The following OPCML variants were observed in gnomAD, a reference collection of about 807,000 sequenced individuals.
OPCML encodes opioid-binding protein/cell adhesion molecule.
OPCML carries 13 observed loss-of-function variants against 37.8 expected under a neutral mutation model. The ratio of observed to expected loss-of-function variants is 0.34; its 90% confidence interval spans 0.22 to 0.55. The LOEUF is 0.55. OPCML is among the 20% of genes least tolerant of loss of function. The pLI is 0.91. For missense variants in OPCML, 341 were observed against 435.6 expected (o/e 0.78, Z 1.93); for synonymous variants, 176 against 168.8 (o/e 1.04, Z -0.33).
chr11:133,475,046 C>G (rs561406318), intron 1 of OPCML, among the ~76,000 whole-genome samples: 1 of 152,142 alleles, frequency 6.6e-6, no homozygotes, highest in Non-Finnish European at 1.5e-5. Flanking sequence ...ACCTTTACCC[C>G]CTAGGCCTGA....
chr11:133,524,634 G>A (rs1206963042), intron 1 of OPCML, among the ~76,000 whole-genome samples: 3 of 152,248 alleles, frequency 2.0e-5, no homozygotes, highest in Admixed American at 6.5e-5. Flanking sequence ...TCTCAGGCGT[G>A]TCTGTCGCAG....
At chr11:132,596,174 T>C (rs1032965674) in intron 3 of OPCML, among the ~76,000 whole-genome samples, 1 of 152,138 alleles carries the variant, frequency 6.6e-6, no homozygotes, top group African/African-American at 2.4e-5. Context: ...AAAGCTAAAG[T>C]GCTTATCATA....
At chr11:132,560,026 T>C (rs1459518098) in intron 3 of OPCML, among the ~76,000 whole-genome samples, 1 of 152,248 alleles carries the variant, frequency 6.6e-6, no homozygotes, top group Non-Finnish European at 1.5e-5. Context: ...AACTTAGTCA[T>C]TTCCCACAAA....
rs909108518 is a variant in OPCML at position 133,212,098 on chromosome 11, G to T, written c.62-269088C>A. On this transcript the variant is annotated intron_variant, in intron 1 of 7. Transcript: ENST00000524381. This position sits in a 1 kb window ranked among gnomAD's most constrained non-coding sequence, Gnocchi z 4.9. ...GGGTGGGGTTACACCTGCATAGTGAGGTGGGGGGTCAGGATCCTTCACCTG... is the reference window on the plus strand; with the variant it reads ...GGGTGGGGTTACACCTGCATAGTGATGTGGGGGGTCAGGATCCTTCACCTG... Among the ~76,000 whole-genome samples, 1 of 152,104 alleles carries T rather than the reference G, an allele frequency of 6.6e-6. No homozygotes were observed. Among genetic ancestry groups the T allele is most frequent in the Non-Finnish European group, 1.5e-5 (1 of 68,030 alleles).
chr11:133,039,686 T>C (rs1159948532), intron 1 of OPCML, among the ~76,000 whole-genome samples: 1 of 151,994 alleles, frequency 6.6e-6, no homozygotes, highest in African/African-American at 2.4e-5. Context: ...TTGGCAGTCA[T>C]GGGTGGGTGT....
At chr11:133,446,238 G>A (rs1946471839) in intron 1 of OPCML, among the ~76,000 whole-genome samples, 2 of 152,164 alleles carry the variant, frequency 1.3e-5, no homozygotes, top group Middle Eastern at 6.8e-3. Flanking sequence ...TTTGTAATCA[G>A]TTTTTTAGTT....
intron 2 of OPCML, among the ~76,000 whole-genome samples, chr11:132,785,539 A>T (rs561767448): frequency 7.2e-5 from 11 of 152,220 alleles, no homozygotes; most frequent in Admixed American, 1.3e-4. Flanking sequence ...AAACAATGAC[A>T]ATCAAAACCA....
At chr11:133,405,447 C>G (rs756403172) in intron 1 of OPCML, among the ~76,000 whole-genome samples, 7 of 152,124 alleles carry the variant, frequency 4.6e-5, no homozygotes, top group Non-Finnish European at 8.8e-5. Flanking sequence ...TTTTTGTGAT[C>G]TGTATGTTTA....
At chr11:132,542,415 GT>G (rs1204323493) in intron 3 of OPCML, among the ~76,000 whole-genome samples, 1 of 152,114 alleles carries the variant, frequency 6.6e-6, no homozygotes, top group Non-Finnish European at 1.5e-5. Context: ...GGGAAATGTG[GT>G]TTCTTCCATG....
intron 1 of OPCML, among the ~76,000 whole-genome samples, chr11:133,014,099 C>A (rs1947271823): frequency 6.6e-6 from 1 of 152,202 alleles, no homozygotes; most frequent in South Asian, 2.1e-4. Context: ...CATGAACAAG[C>A]TTTACTAACT....
chr11:132,605,434 C>T (rs1034111244), intron 3 of OPCML, among the ~76,000 whole-genome samples: 3 of 151,674 alleles, frequency 2.0e-5, no homozygotes, highest in Non-Finnish European at 4.4e-5. Flanking sequence ...TGTGATGGCA[C>T]GCACCTATAG....
At chr11:133,305,623 T>C (rs1190305044) in intron 1 of OPCML, among the ~76,000 whole-genome samples, 1 of 152,222 alleles carries the variant, frequency 6.6e-6, no homozygotes, top group Admixed American at 6.5e-5. Flanking sequence ...TCATATTTCC[T>C]GATGTATAGA....
chr11:133,031,444 TG>T (rs1947668795), intron 1 of OPCML, among the ~76,000 whole-genome samples: 3 of 147,860 alleles, frequency 2.0e-5, no homozygotes, highest in Admixed American at 1.3e-4. Flanking sequence ...GATGGGTAGG[TG>T]AATGGATGGA....
At chr11:132,907,787 G>A (rs988952016) in intron 2 of OPCML, among the ~76,000 whole-genome samples, 19 of 149,316 alleles carry the variant, frequency 1.3e-4, no homozygotes, top group South Asian at 6.4e-4. Flanking sequence ...CTCACTGCAC[G>A]TTGCTCTGTT....
intron 3 of OPCML, among the ~76,000 whole-genome samples, chr11:132,542,589 G>A (rs1231648818): frequency 6.6e-6 from 1 of 152,140 alleles, no homozygotes; most frequent in African/African-American, 2.4e-5. Flanking sequence ...CGACTTGGGA[G>A]TATTGACAGA....
chr11:132,806,552 G>T (rs938040201), intron 2 of OPCML, among the ~76,000 whole-genome samples: 5 of 152,038 alleles, frequency 3.3e-5, no homozygotes, highest in African/African-American at 4.8e-5. Context: ...TACCCACAAG[G>T]CATGCTAATC....
chr11:133,416,199 A>C (rs1945760566), intron 1 of OPCML, among the ~76,000 whole-genome samples: 1 of 152,058 alleles, frequency 6.6e-6, no homozygotes, highest in Non-Finnish European at 1.5e-5. Context: ...TAAAAAAAAA[A>C]CTGATCTTCC....
chr11:132,521,868 T>C (rs2096294754), intron 4 of OPCML, among the ~76,000 whole-genome samples: 1 of 152,238 alleles, frequency 6.6e-6, no homozygotes, highest in Admixed American at 6.5e-5. Flanking sequence ...CTTATTTTTA[T>C]GTCTTTGTGT....
intron 1 of OPCML, among the ~76,000 whole-genome samples, chr11:133,419,813 A>C (rs186960545): frequency 1.2e-4 from 19 of 152,350 alleles, no homozygotes; most frequent in South Asian, 2.1e-4. Flanking sequence ...TGTGAATAGC[A>C]CAAAAAATTC....
Sources: allele counts gnomAD v4.1 joint callset (sites outside exome capture counted in the v4.1 genomes callset), GRCh38; gene constraint gnomAD v4.1.1; non-coding constraint Gnocchi (gnomAD v3.1); transcripts MANE v1.5; gene names NCBI Gene and HGNC (gene_info 2026-07-23, HGNC 2026-07-21).